Variants in ZNF544 observed in about 807,000 individuals in gnomAD.
ZNF544 encodes the protein zinc finger protein 544.
ZNF544 carries 10 observed loss-of-function variants against 13.5 expected under a neutral mutation model. The ratio of observed to expected loss-of-function variants is 0.74; its 90% confidence interval spans 0.46 to 1.25. The LOEUF (loss-of-function observed/expected upper bound fraction) is 1.25. ZNF544 is among the 50% of genes most tolerant of loss of function. The pLI is 0.00. For synonymous variants in ZNF544, 323 were observed against 300.5 expected (o/e 1.07, Z -0.77); for missense variants, 896 against 845.6 (o/e 1.06, Z -0.74).
At chr19:58,236,592 C>T (rs191468349) in intron 3 of ZNF544, among the ~76,000 whole-genome samples, 1 of 151,762 alleles carries the variant, frequency 6.6e-6, no homozygotes, top group East Asian at 1.9e-4. Flanking sequence ...CAAAATAGTA[C>T]AGAGTATCTT....
chr19:58,263,354 A>G lies in ZNF544; in HGVS notation c.*600A>G, dbSNP rs1009013974. 2 of 904,524 alleles carry G rather than the reference A, an allele frequency of 2.2e-6. No homozygotes were observed. Among genetic ancestry groups the G allele is most frequent in the Non-Finnish European group, 2.6e-6 (2 of 756,452 alleles). 56.0% of individuals were successfully genotyped at this position (904,524 alleles called of 1,614,324 possible). On this transcript the variant is annotated 3_prime_UTR_variant, in exon 7 of 7. Transcript: ENST00000687789. ...CGCATACCTGTAGTCCTAGCTACTC[A>G]GGAGGCTGAGGTGGGAGGATCACTT...
rs762476692 is a variant in ZNF544, at chr19:58,261,797, A to C, written c.1191A>C (p.Ile397=). ...KSFSQSYDLV[I]HQRTHTGEKP... ...TTAGCCAGAGCTATGACCTTGTCAT[A>C]CATCAGAGGACACACACTGGAGAGA... The change falls in exon 7 of 7, where the codon ATA becomes ATC. Residue 397 remains isoleucine, a synonymous_variant. Coordinates refer to ENST00000687789, the MANE Select transcript of ZNF544 (RefSeq NM_014480.4). 6.2e-7 allele frequency: 1 copy of C among 1,614,128 alleles called. No individual in the cohort carries two copies. The highest frequency in any genetic ancestry group is 8.5e-7 in the Non-Finnish European group (1 of 1,180,020).
rs1174512085 is a variant in ZNF544 at position 58,261,964 on chromosome 19, T to G, written c.1358T>G (p.Val453Gly). ...TTCAGGTGGAACTCTAACCTCATTG[T>G]ACATCAGAGAATTCATACTGGAGAG... ...KSFRWNSNLI[V>G]HQRIHTGEKP... Residue 453 changes from valine (V) to glycine (G), a missense_variant, in exon 7 of 7, where the codon GTA (valine) becomes GGA (glycine). Transcript: ENST00000687789. The G allele has an allele frequency of 6.2e-7, 1 of 1,613,920 alleles. No homozygotes were observed. Among genetic ancestry groups the G allele is most frequent in the Non-Finnish European group, 8.5e-7 (1 of 1,179,984 alleles).
chr19:58,272,886 AAAG>A (rs2050802548), intron 5 of ZNF544, among the ~76,000 whole-genome samples: 1 of 151,894 alleles, frequency 6.6e-6, no homozygotes, highest in Non-Finnish European at 1.5e-5. Context: ...AAAAAAAAGA[AAAG>A]AAAAGAAAAA....
intron 6 of ZNF544, among the ~76,000 whole-genome samples, chr19:58,255,853 C>T (rs2047199519): frequency 6.6e-6 from 1 of 152,206 alleles, no homozygotes; most frequent in Admixed American, 6.5e-5. Flanking sequence ...CAGCTATCCC[C>T]ATTTACGCCT....
rs573931491 is a variant in ZNF544 at position 58,231,618 on chromosome 19, C to T, written c.-60+1156C>T. 5.9e-5 allele frequency among the ~76,000 whole-genome samples: 9 copies of T among 152,134 alleles called. No homozygotes were observed. The East Asian group carries it at 1.2e-3, about 20-fold the overall frequency. ...TCTCACATGTTGCCCAGGCTTGTCT[C>T]GAACTTCTAGCCTCAAGAGAGCCTC... is the stretch of plus-strand genomic sequence containing the variant. On this transcript the variant is annotated intron_variant, in intron 3 of 6. Transcript: ENST00000687789.
At chr19:58,248,985 A>G (rs748967536) in intron 6 of ZNF544, among the ~76,000 whole-genome samples, 1 of 152,192 alleles carries the variant, frequency 6.6e-6, no homozygotes, top group Non-Finnish European at 1.5e-5. Context: ...AAGTGAAGTT[A>G]CAAAGTTACA....
At chr19:58,271,344 GTAA>G (rs1455451644) in intron 5 of ZNF544, among the ~76,000 whole-genome samples, 1 of 152,106 alleles carries the variant, frequency 6.6e-6, no homozygotes, top group Non-Finnish European at 1.5e-5. Context: ...GTGCACACCT[GTAA>G]TCCCAGTGCT....
At position 58,241,180 on chromosome 19, in the gene ZNF544, T is replaced by TATA. The variant is rs1491408473; in HGVS notation, c.-59-2785_-59-2784insATA. On this transcript the variant is annotated intron_variant, in intron 3 of 6. Transcript: ENST00000687789. ...ATATTTAAATATATATATATATATA[T>TATA]TTTTTTTTTTTTGTAGAGATAGGGT... Among the ~76,000 whole-genome samples the TATA allele has an allele frequency of 4.3e-3, 292 of 67,306 alleles. 13 individuals are homozygous for TATA. The highest frequency in any genetic ancestry group is 7.5e-3 in the Admixed American group (39 of 5,172). 44.2% of individuals were successfully genotyped at this position (67,306 alleles called of 152,430 possible).
intron 6 of ZNF544, chr19:58,257,936 C>CT (rs1436771433): frequency 6.6e-6 from 1 of 152,294 alleles, no homozygotes; most frequent in Non-Finnish European, 1.5e-5. Context: ...CTCCTCCTTC[C>CT]TTGTAACTCT....
At chr19:58,264,769 C>A (rs1423590524), downstream of ZNF544, among the ~76,000 whole-genome samples, 2 of 152,064 alleles carry the variant, frequency 1.3e-5, no homozygotes, top group Non-Finnish European at 2.9e-5. Flanking sequence ...TTTGGGAGAC[C>A]GAGCGGCCAG....
exon 6 of ZNF544, chr19:58,276,380 T>A (rs1357883138): frequency 8.1e-7 from 1 of 1,231,568 alleles, no homozygotes; most frequent in Non-Finnish European, 1.0e-6. Context: ...AGATTTAGTC[T>A]CCTGGAAGGC....
intron 3 of ZNF544, among the ~76,000 whole-genome samples, chr19:58,233,464 A>C (rs2041778574): frequency 6.6e-6 from 1 of 152,344 alleles, no homozygotes; most frequent in South Asian, 2.1e-4. Context: ...CTTAAAGGAA[A>C]TATGAGAAGG....
intron 3 of ZNF544, among the ~76,000 whole-genome samples, chr19:58,239,799 TGA>T (rs1188135502): frequency 6.6e-6 from 1 of 151,562 alleles, no homozygotes; most frequent in Non-Finnish European, 1.5e-5. Context: ...CTTGGGAGGC[TGA>T]GACAGGAGAA....
intron 6 of ZNF544, among the ~76,000 whole-genome samples, chr19:58,255,065 T>C (rs1329894348): frequency 1.3e-5 from 2 of 150,814 alleles, no homozygotes; most frequent in Non-Finnish European, 2.9e-5. Flanking sequence ...TTTTTTGTAC[T>C]TTTTAGTAGA....
intron 3 of ZNF544, among the ~76,000 whole-genome samples, chr19:58,236,931 G>A (rs1438082807): frequency 6.6e-6 from 1 of 151,490 alleles, no homozygotes; most frequent in Non-Finnish European, 1.5e-5. Flanking sequence ...TTAGTAGACA[G>A]GGTTTCACCA....
At chr19:58,242,350 T>TTC in intron 3 of ZNF544, 2 of 907,494 alleles carry the variant, frequency 2.2e-6, no homozygotes, top group Non-Finnish European at 2.6e-6. Context: ...AAAGCAAGAT[T>TTC]TCTGCAATTC....
intron 1 of ZNF544, 179 bp from the exon 2 acceptor site, chr19:58,229,284 ACTGGG>A (rs2040644766): frequency 1.2e-5 from 1 of 84,506 alleles, no homozygotes; most frequent in Non-Finnish European, 2.2e-5. Context: ...ACTGGGTGGG[ACTGGG>A]TGGGACTGGG....
chr19:58,232,108 G>A (rs960644862), intron 3 of ZNF544, among the ~76,000 whole-genome samples: 2 of 151,750 alleles, frequency 1.3e-5, no homozygotes, highest in Non-Finnish European at 2.9e-5. Context: ...CCAGAAATAA[G>A]ACTAGTTCTC....
Sources: gnomAD v4.1 joint callset for allele counts (sites outside exome capture counted in the v4.1 genomes callset) on GRCh38, gnomAD v4.1.1 for gene constraint, MANE v1.5 for transcripts, NCBI Gene and HGNC (gene_info 2026-07-23, HGNC 2026-07-21) for gene names.